CYP2C19: variants seen among roughly 807,000 people sequenced by gnomAD.
The protein encoded by CYP2C19 is cytochrome P450 family 2 subfamily C member 19.
CYP2C19 carries 59 observed loss-of-function variants against 40.9 expected under a neutral mutation model. The ratio of observed to expected loss-of-function variants is 1.44; its 90% CI spans 1.17 to 1.79. The LOEUF is 1.79. CYP2C19 is among the 40% of genes most tolerant of loss of function. The probability of loss-of-function intolerance (pLI) is 0.00; values close to 1 mark genes in which losing one functional copy is unlikely to be tolerated. For synonymous variants in CYP2C19, 253 were observed against 208.7 expected, an observed-to-expected ratio of 1.21 and a Z score of -1.83; for missense variants, 754 against 596.9, an observed-to-expected ratio of 1.26 and a Z score of -2.74.
At chr10:94,816,557 A>G (rs147888698) in intron 5 of CYP2C19, among the ~76,000 whole-genome samples, 6 of 152,100 alleles carry the variant, frequency 3.9e-5, no homozygotes, top group South Asian at 2.1e-4. Flanking sequence ...TTACAAAAAC[A>G]TAAGGAAAAT....
chr10:94,826,570 G>C, intron 6 of CYP2C19, among the ~76,000 whole-genome samples: 1 of 152,254 alleles, frequency 6.6e-6, no homozygotes, highest in Middle Eastern at 3.4e-3. Context: ...TGAGATGATG[G>C]GGTTTTCTAG....
chr10:94,843,492 T>A (rs1179403527), intron 7 of CYP2C19, among the ~76,000 whole-genome samples: 5 of 152,328 alleles, frequency 3.3e-5, no homozygotes, highest in South Asian at 2.1e-4. Flanking sequence ...GGCTTGCAAG[T>A]CTTTGGTTTT....
rs139766851 is a variant in CYP2C19, at chr10:94,830,387, C to T, written c.961+9750C>T. Among the ~76,000 whole-genome samples the T allele has an allele frequency of 8.4e-3, 1,284 of 152,056 alleles. 23 individuals carry two copies. Among genetic ancestry groups the T allele is most frequent in the East Asian group, 0.062 (319 of 5,150 alleles). The stretch of plus-strand genomic sequence containing the variant: ...CCGTTTTTTAAGCCCATCGGAAAAG[C>T]GCAGTATTCGGGTGGGAGTGACCCG... On this transcript the variant is annotated intron_variant, in intron 6 of 8. Transcript: ENST00000371321.
intron 5 of CYP2C19, among the ~76,000 whole-genome samples, chr10:94,804,306 C>A (rs1297663550): frequency 1.3e-5 from 2 of 152,156 alleles, no homozygotes; most frequent in Non-Finnish European, 2.9e-5. Context: ...TGTGGGAGGG[C>A]CCAATTCCAG....
At chr10:94,789,848 A>G (rs1436548736) in intron 5 of CYP2C19, among the ~76,000 whole-genome samples, 3 of 152,164 alleles carry the variant, frequency 2.0e-5, no homozygotes, top group African/African-American at 7.2e-5. Context: ...GTTCCCTATG[A>G]AAATGAAAGT....
At chr10:94,772,787 T>A (rs1414976399) in intron 1 of CYP2C19, among the ~76,000 whole-genome samples, 3 of 152,032 alleles carry the variant, frequency 2.0e-5, no homozygotes, top group African/African-American at 7.2e-5. Context: ...GGTCACTTTT[T>A]GTTTTGAGAC....
At chr10:94,839,731 G>A (rs1247035081) in intron 6 of CYP2C19, among the ~76,000 whole-genome samples, 1 of 152,190 alleles carries the variant, frequency 6.6e-6, no homozygotes, top group African/African-American at 2.4e-5. Context: ...TTCCACAAGA[G>A]TCTCTGTATC....
chr10:94,839,886 G>T (rs1849465606), intron 6 of CYP2C19, among the ~76,000 whole-genome samples: 1 of 152,198 alleles, frequency 6.6e-6, no homozygotes, highest in African/African-American at 2.4e-5. Flanking sequence ...AATCTGCTGG[G>T]TTAAGGGAAT....
At chr10:94,808,591 C>T (rs1375223148) in intron 5 of CYP2C19, among the ~76,000 whole-genome samples, 1 of 152,078 alleles carries the variant, frequency 6.6e-6, no homozygotes, top group Non-Finnish European at 1.5e-5. Context: ...ACTCACTGTC[C>T]CTCCCAGCCT....
At chr10:94,817,967 C>T (rs567520924) in intron 5 of CYP2C19, among the ~76,000 whole-genome samples, 1,708 of 142,986 alleles carry the variant, frequency 0.012, 47 homozygotes, top group African/African-American at 0.043. Flanking sequence ...GAGCCGAGAT[C>T]CCGCCACTGC....
rs1026841145 is a variant in CYP2C19, at chr10:94,853,640, G to A, written c.*726G>A. 2.7e-5 allele frequency among the ~76,000 whole-genome samples: 4 copies of A among 149,750 alleles called. No individual in the cohort carries two copies. The highest frequency in any genetic ancestry group is 4.3e-4 in the South Asian group (2 of 4,704). ...GGCTCACTGTAACCTTCGCCTCCCAGGCTCAAGAGATTCTCCTGCCTCAGC... is the reference window on the plus strand; with the variant it reads ...GGCTCACTGTAACCTTCGCCTCCCAAGCTCAAGAGATTCTCCTGCCTCAGC... On this transcript the variant is annotated 3_prime_UTR_variant, in exon 9 of 9. Coordinates refer to ENST00000371321, the MANE Select transcript of CYP2C19 (RefSeq NM_000769.4).
chr10:94,809,464 C>T (rs1049124173), intron 5 of CYP2C19, among the ~76,000 whole-genome samples: 1 of 151,972 alleles, frequency 6.6e-6, no homozygotes, highest in Non-Finnish European at 1.5e-5. Context: ...TCCATTTTTA[C>T]TTTGGTTGGA....
At chr10:94,784,159 C>A (rs1024616553) in intron 5 of CYP2C19, among the ~76,000 whole-genome samples, 1 of 152,092 alleles carries the variant, frequency 6.6e-6, no homozygotes, top group East Asian at 1.9e-4. Context: ...GCATATGCAA[C>A]CTTTTATTTC....
intron 5 of CYP2C19, among the ~76,000 whole-genome samples, chr10:94,814,262 T>C (rs548121325): frequency 1.8e-3 from 281 of 152,124 alleles, no homozygotes; most frequent in Non-Finnish European, 3.3e-3. Context: ...TGATTGAGTT[T>C]CTTTAAGGTA....
intron 2 of CYP2C19, 26 bp from the exon 3 acceptor site, chr10:94,775,364 C>T (rs767008133): frequency 6.8e-6 from 11 of 1,613,158 alleles, no homozygotes; most frequent in Non-Finnish European, 5.9e-6. Context: ...GGATCTCCCT[C>T]CTAGTTTCGT....
chr10:94,842,654 G>A (rs570583355), intron 6 of CYP2C19, among the ~76,000 whole-genome samples, 183 bp from the exon 7 acceptor site: 4 of 151,900 alleles, frequency 2.6e-5, no homozygotes, highest in African/African-American at 4.8e-5. Flanking sequence ...CTAGCTTAAG[G>A]CACAGTTACA....
At chr10:94,838,459 AG>A (rs1351063805) in intron 6 of CYP2C19, among the ~76,000 whole-genome samples, 1 of 152,228 alleles carries the variant, frequency 6.6e-6, no homozygotes, top group Non-Finnish European at 1.5e-5. Flanking sequence ...TATAGCCATC[AG>A]GGTTATCTGA....
intron 3 of CYP2C19, among the ~76,000 whole-genome samples, chr10:94,778,669 A>T (rs903835384): frequency 4.6e-5 from 7 of 152,188 alleles, no homozygotes; most frequent in African/African-American, 1.7e-4. Flanking sequence ...TGTTGGTGGA[A>T]GTGTAAATTA....
intron 5 of CYP2C19, among the ~76,000 whole-genome samples, chr10:94,815,355 T>C (rs985684107): frequency 1.3e-5 from 2 of 152,214 alleles, no homozygotes; most frequent in African/African-American, 4.8e-5. Context: ...TCTAAAAGCA[T>C]AATTAATTTA....
Sources: allele counts gnomAD v4.1 joint callset (sites outside exome capture counted in the v4.1 genomes callset), GRCh38; gene constraint gnomAD v4.1.1; transcripts MANE v1.5; gene names NCBI Gene and HGNC (gene_info 2026-07-23, HGNC 2026-07-21).